Variants in EFCAB5 observed in about 807,000 individuals in gnomAD.
EFCAB5 encodes the protein EF-hand calcium binding domain 5, also known as EF-hand calcium-binding domain-containing protein 5.
Under a neutral mutation model 167.9 loss-of-function variants are expected in EFCAB5, and 131 were observed. The ratio of observed to expected loss-of-function variants is 0.78; its 90% CI spans 0.68 to 0.90. The LOEUF is 0.90. Ranked by LOEUF, EFCAB5 falls within the 40% of genes least tolerant of loss-of-function variation. EFCAB5 has a pLI of 0.00. For missense variants in EFCAB5, 1,663 were observed against 1,745.2 expected (o/e 0.95, Z 0.84); for synonymous variants, 574 against 602.8 (o/e 0.95, Z 0.70).
chr17:30,062,577 C>A (rs1161487429), intron 14 of EFCAB5, among the ~76,000 whole-genome samples: 1 of 152,224 alleles, frequency 6.6e-6, no homozygotes, highest in Non-Finnish European at 1.5e-5. Context: ...GTGCCCTGAC[C>A]CTTGTGGCCC....
At chr17:29,951,520 T>A (rs2067509772) in intron 3 of EFCAB5, among the ~76,000 whole-genome samples, 1 of 148,752 alleles carries the variant, frequency 6.7e-6, no homozygotes, top group African/African-American at 2.5e-5. Context: ...TGTATTTTTT[T>A]TTTTATTTTT....
intron 7 of EFCAB5, among the ~76,000 whole-genome samples, chr17:30,017,233 A>G (rs1231178823): frequency 6.6e-6 from 1 of 152,090 alleles, no homozygotes; most frequent in Non-Finnish European, 1.5e-5. Flanking sequence ...CACACAAAAA[A>G]TAGAATAACA....
chr17:30,078,542 C>T, intron 15 of EFCAB5, 38 bp downstream of exon 15: 1 of 1,504,772 alleles, frequency 6.6e-7, no homozygotes, highest in Non-Finnish European at 8.9e-7. Context: ...GGAAACATTT[C>T]CTCAAAGTAG....
chr17:30,081,949 C>T (rs73274838), intron 17 of EFCAB5, among the ~76,000 whole-genome samples: 2,689 of 152,220 alleles, frequency 0.018, 81 homozygotes, highest in African/African-American at 0.06. Context: ...TTCTGGGTTA[C>T]CCTTAGATGC....
At chr17:29,959,106 G>C (rs1053689770) in intron 3 of EFCAB5, among the ~76,000 whole-genome samples, 1 of 152,088 alleles carries the variant, frequency 6.6e-6, no homozygotes, top group African/African-American at 2.4e-5. Context: ...ACCTGAAGCC[G>C]GCACAGTACT....
rs1188670252 is a variant in EFCAB5 at position 30,092,004 on chromosome 17, T to G, written c.4071T>G (p.Leu1357=). The change falls in exon 21 of 23, where the codon CTT becomes CTG. Residue 1357 remains leucine (L), a synonymous_variant. Coordinates refer to ENST00000394835, the MANE Select transcript of EFCAB5 (RefSeq NM_198529.4). ...FVSLLLYDHT[L]VTEPNSPQDS... Reference sequence around the variant, plus strand: ...CACTGTTGCTCTATGACCATACTCTTGTAACAGAGCCAAATTCTCCTCAAG... The same window carrying G: ...CACTGTTGCTCTATGACCATACTCTGGTAACAGAGCCAAATTCTCCTCAAG... 4 of 1,613,946 alleles carry G rather than the reference T, an allele frequency of 2.5e-6. No homozygotes were observed. The highest frequency in any genetic ancestry group is 3.3e-5 in the Admixed American group (2 of 60,014).
intron 7 of EFCAB5, among the ~76,000 whole-genome samples, chr17:30,017,192 A>C (rs752389052): frequency 2.0e-5 from 3 of 152,118 alleles, no homozygotes; most frequent in Non-Finnish European, 4.4e-5. Flanking sequence ...AAGAAAAAAA[A>C]ATCAATCCAA....
At position 30,091,969 on chromosome 17, in the gene EFCAB5, G is replaced by A. The variant is rs2071207851; in HGVS notation, c.4036G>A (p.Glu1346Lys). The change falls in exon 21 of 23, where the codon GAA becomes AAA. Residue 1346 changes from glutamate (E) to lysine (K), a missense_variant. Transcript: ENST00000394835. ...AAGCATCCAACTACTCAATTCCATG[G>A]AATTTGTGTCACTGTTGCTCTATGA... ...QESIQLLNSM[E>K]FVSLLLYDHT... 1.2e-6 allele frequency: 2 copies of A among 1,613,952 alleles called. No individual in the cohort carries two copies. Among genetic ancestry groups the A allele is most frequent in the East Asian group, 4.5e-5 (2 of 44,880 alleles).
chr17:29,990,152 G>A (rs1355029016), intron 4 of EFCAB5, among the ~76,000 whole-genome samples: 1 of 152,152 alleles, frequency 6.6e-6, no homozygotes. Context: ...TAACTACTTT[G>A]ATATACTTCA....
intron 8 of EFCAB5, among the ~76,000 whole-genome samples, chr17:30,036,466 A>T (rs1329753263): frequency 6.7e-6 from 1 of 150,068 alleles, no homozygotes; most frequent in East Asian, 1.9e-4. Flanking sequence ...GCCTCACTCT[A>T]TCACCCAGGC....
chr17:30,021,030 T>C (rs2069166048), intron 7 of EFCAB5, among the ~76,000 whole-genome samples: 1 of 152,092 alleles, frequency 6.6e-6, no homozygotes, highest in Non-Finnish European at 1.5e-5. Context: ...AATATGTATG[T>C]AGCTGGACAG....
intron 14 of EFCAB5, among the ~76,000 whole-genome samples, chr17:30,068,028 G>A (rs144079261): frequency 3.0e-4 from 46 of 152,180 alleles, no homozygotes; most frequent in African/African-American, 8.2e-4. Context: ...TCAGTAGGCC[G>A]GGCGCGGTGG....
intron 7 of EFCAB5, among the ~76,000 whole-genome samples, chr17:30,019,157 G>T (rs2069115313): frequency 6.6e-6 from 1 of 152,094 alleles, no homozygotes; most frequent in Admixed American, 6.6e-5. Flanking sequence ...GTCTTTGTAA[G>T]CATGCCTGGG....
intron 4 of EFCAB5, among the ~76,000 whole-genome samples, chr17:29,990,521 G>A (rs1421138148): frequency 6.6e-6 from 1 of 152,098 alleles, no homozygotes; most frequent in Non-Finnish European, 1.5e-5. Flanking sequence ...ACTCCTGTAT[G>A]TACTTGCACT....
At chr17:30,086,162 T>A (rs1035797459) in intron 18 of EFCAB5, among the ~76,000 whole-genome samples, 2 of 152,000 alleles carry the variant, frequency 1.3e-5, no homozygotes, top group Non-Finnish European at 2.9e-5. Flanking sequence ...ATTTTTTTTT[T>A]AAAGGAATGA....
chr17:30,015,274 T>C (rs551428782), intron 7 of EFCAB5, among the ~76,000 whole-genome samples: 55 of 152,322 alleles, frequency 3.6e-4, no homozygotes, highest in African/African-American at 1.3e-3. Context: ...CAATTATGTG[T>C]CTTGGCTTTG....
intron 7 of EFCAB5, among the ~76,000 whole-genome samples, chr17:30,003,965 G>A (rs1476773363): frequency 1.3e-5 from 2 of 152,218 alleles, no homozygotes; most frequent in African/African-American, 2.4e-5. Context: ...CTAGGGAAAT[G>A]AGGCATGCAG....
chr17:30,091,783 T>A, intron 20 of EFCAB5, 88 bp from the exon 21 acceptor site: 3 of 1,407,724 alleles, frequency 2.1e-6, no homozygotes, highest in Non-Finnish European at 2.9e-6. Context: ...ACATTTACTA[T>A]AATATGTTCA....
intron 4 of EFCAB5, among the ~76,000 whole-genome samples, chr17:29,970,999 T>C (rs934564847): frequency 4.0e-5 from 6 of 149,968 alleles, no homozygotes; most frequent in Admixed American, 2.0e-4. Context: ...CACTTGAACC[T>C]GGGAGGCGGA....
Sources: allele counts gnomAD v4.1 joint callset (sites outside exome capture counted in the v4.1 genomes callset), GRCh38; gene constraint gnomAD v4.1.1; transcripts MANE v1.5; gene names NCBI Gene and HGNC (gene_info 2026-07-23, HGNC 2026-07-21).